Variants in MTHFD1L observed in about 807,000 individuals in gnomAD.
MTHFD1L encodes monofunctional C1-tetrahydrofolate synthase, mitochondrial.
A neutral mutation model predicts 119.5 loss-of-function variants in MTHFD1L; 81 were observed. The ratio of observed to expected loss-of-function variants is 0.68; its 90% confidence interval spans 0.57 to 0.82. The LOEUF (loss-of-function observed/expected upper bound fraction) is 0.82. MTHFD1L is among the 40% of genes least tolerant of loss of function. The pLI is 0.00. For synonymous variants in MTHFD1L, 430 were observed against 475.2 expected (o/e 0.90, Z 1.24); for missense variants, 1,125 against 1,253.4 (o/e 0.90, Z 1.55).
chr6:150,930,532 C>G (rs1351824324), intron 11 of MTHFD1L, among the ~76,000 whole-genome samples: 1 of 151,764 alleles, frequency 6.6e-6, no homozygotes, highest in Non-Finnish European at 1.5e-5. Context: ...AAGGAGATAA[C>G]TAGGTCTCTC....
At chr6:151,037,992 C>A (rs1786442097) in intron 26 of MTHFD1L, among the ~76,000 whole-genome samples, 1 of 152,126 alleles carries the variant, frequency 6.6e-6, no homozygotes, top group Non-Finnish European at 1.5e-5. Flanking sequence ...TATAATAAAC[C>A]ATGTTGCTTT....
intron 13 of MTHFD1L, 73 bp from the exon 14 acceptor site, chr6:150,944,413 A>C: frequency 9.1e-7 from 1 of 1,100,146 alleles, no homozygotes; most frequent in South Asian, 1.4e-5. Context: ...ATGCCACTGC[A>C]CTCCAGCCTG....
chr6:151,055,085 G>C (rs1480180212), intron 26 of MTHFD1L: 1 of 152,106 alleles, frequency 6.6e-6, no homozygotes, highest in Non-Finnish European at 1.5e-5. Flanking sequence ...GGCCAACGTG[G>C]TGAAACCTCA....
chr6:150,937,137 C>T (rs555539627), intron 12 of MTHFD1L, among the ~76,000 whole-genome samples, 197 bp downstream of exon 12: 1 of 152,222 alleles, frequency 6.6e-6, no homozygotes, highest in Admixed American at 6.5e-5. Context: ...GCCGCCAGGG[C>T]TTCACTGGAT....
chr6:150,963,634 G>T (rs1014693559), intron 18 of MTHFD1L, among the ~76,000 whole-genome samples: 2 of 152,170 alleles, frequency 1.3e-5, no homozygotes, highest in African/African-American at 4.8e-5. Flanking sequence ...AGAATGTAAC[G>T]CACTTTAGAG....
intron 26 of MTHFD1L, among the ~76,000 whole-genome samples, chr6:151,048,626 C>T (rs4869973): frequency 0.037 from 5,582 of 152,238 alleles, 169 homozygotes; most frequent in Admixed American, 0.098. Flanking sequence ...ATAAGAGGCT[C>T]AAGTGCCCAC....
chr6:150,881,559 G>A (rs913195287), intron 4 of MTHFD1L, among the ~76,000 whole-genome samples: 3 of 152,046 alleles, frequency 2.0e-5, no homozygotes, highest in Non-Finnish European at 4.4e-5. Flanking sequence ...TAGTTTCCTC[G>A]CTTCATTCTG....
intron 16 of MTHFD1L, among the ~76,000 whole-genome samples, chr6:150,950,752 C>T (rs1361073414): frequency 6.6e-6 from 1 of 152,186 alleles, no homozygotes; most frequent in Non-Finnish European, 1.5e-5. Flanking sequence ...TCACTGCAAC[C>T]TCTGCATCAC....
At chr6:150,924,145 G>GA (rs1419047602) in intron 10 of MTHFD1L, among the ~76,000 whole-genome samples, 4 of 152,190 alleles carry the variant, frequency 2.6e-5, no homozygotes, top group Non-Finnish European at 5.9e-5. Context: ...GAAGCAGGCT[G>GA]AGTAGTTTAT....
intron 1 of MTHFD1L, among the ~76,000 whole-genome samples, chr6:150,870,755 A>G (rs952879722): frequency 1.3e-5 from 2 of 151,804 alleles, no homozygotes; most frequent in African/African-American, 4.8e-5. Context: ...TACTAAAAAT[A>G]CAAAAATTAG....
At chr6:150,977,988 C>T (rs1776857354) in intron 20 of MTHFD1L, among the ~76,000 whole-genome samples, 1 of 151,566 alleles carries the variant, frequency 6.6e-6, no homozygotes, top group Non-Finnish European at 1.5e-5. Flanking sequence ...GTGACCTCCA[C>T]CTCCCAGGTT....
At chr6:150,987,899 AAG>A (rs1175724188) in intron 20 of MTHFD1L, among the ~76,000 whole-genome samples, 1 of 152,230 alleles carries the variant, frequency 6.6e-6, no homozygotes, top group Non-Finnish European at 1.5e-5. Context: ...AATCAGGTAA[AAG>A]AGTAATTAAA....
intron 7 of MTHFD1L, among the ~76,000 whole-genome samples, chr6:150,892,225 C>T (rs1783425977): frequency 6.6e-6 from 1 of 152,222 alleles, no homozygotes; most frequent in Non-Finnish European, 1.5e-5. Context: ...AGAGAAAATA[C>T]CTTCCTTGGC....
At chr6:150,940,924 G>A (rs183541708) in intron 13 of MTHFD1L, among the ~76,000 whole-genome samples, 60 of 152,220 alleles carry the variant, frequency 3.9e-4, no homozygotes, top group African/African-American at 1.3e-3. Flanking sequence ...ACACACTCAG[G>A]CAATTTGTTC....
chr6:150,913,281 C>T lies in MTHFD1L; in HGVS notation c.893-5296C>T, dbSNP rs533125637. Among the ~76,000 whole-genome samples, 3 of 152,222 alleles carry T rather than the reference C, an allele frequency of 2.0e-5. No individual in the cohort carries two copies. The South Asian group carries it at 6.2e-4, about 32-fold the overall frequency. ...GTTCACGCCATTCTCCTGCTTCAGC[C>T]TCCCGAGTATCTGGGACTAAAGGCG... On this transcript the variant is annotated intron_variant, in intron 8 of 27. Transcript: ENST00000367321.
At chr6:151,003,866 A>G (rs1780986141) in intron 20 of MTHFD1L, among the ~76,000 whole-genome samples, 1 of 152,146 alleles carries the variant, frequency 6.6e-6, no homozygotes, top group Admixed American at 6.5e-5. Flanking sequence ...GCTTTGTGTC[A>G]TTATCTCCAG....
At position 151,037,605 on chromosome 6, in the gene MTHFD1L, C is replaced by A. The variant is rs115568898; in HGVS notation, c.2847+488C>A. On this transcript the variant is annotated intron_variant, in intron 26 of 27. Transcript: ENST00000367321. ...GCTCTGGCTTAGGAAATTACTGAAT[C>A]ATAGGAGTTCTCATTTTTGATGTTG... 2.6e-3 allele frequency among the ~76,000 whole-genome samples: 400 copies of A among 152,296 alleles called. 4 individuals are homozygous for A. The highest frequency in any genetic ancestry group is 9.0e-3 in the African/African-American group (374 of 41,560).
intron 12 of MTHFD1L, among the ~76,000 whole-genome samples, chr6:150,937,806 A>G (rs942726647): frequency 6.6e-6 from 1 of 152,202 alleles, no homozygotes; most frequent in Non-Finnish European, 1.5e-5. Flanking sequence ...TGTGAGGATC[A>G]AATGAGAAAG....
chr6:151,028,003 C>T lies in MTHFD1L; in HGVS notation c.2587-6490C>T, dbSNP rs898743206. Among the ~76,000 whole-genome samples, 5 of 152,110 alleles carry T rather than the reference C, an allele frequency of 3.3e-5. No homozygotes were observed. The East Asian group carries it at 9.7e-4, about 29-fold the overall frequency. On this transcript the variant is annotated intron_variant, in intron 24 of 27. Transcript: ENST00000367321. Reference sequence around the variant, plus strand: ...CACCAGAATGCACCTTCATCTTCTCCAGTGGTGGCGAGGTTGAGGCCAAGC... The same window carrying T: ...CACCAGAATGCACCTTCATCTTCTCTAGTGGTGGCGAGGTTGAGGCCAAGC...
Sources: gnomAD v4.1 joint callset for allele counts (sites outside exome capture counted in the v4.1 genomes callset) on GRCh38, gnomAD v4.1.1 for gene constraint, MANE v1.5 for transcripts, NCBI Gene and HGNC (gene_info 2026-07-23, HGNC 2026-07-21) for gene names.